Variants in SPSB4 observed in about 807,000 individuals in gnomAD.
The protein encoded by SPSB4 is SPRY domain-containing SOCS box protein 4.
SPSB4 carries 21 observed loss-of-function variants against 20.9 expected under a neutral mutation model. The observed-to-expected ratio is 1.01, with a 90% CI of 0.71 to 1.45. The LOEUF is 1.45. SPSB4 is among the 40% of genes most tolerant of loss of function. SPSB4 has a pLI of 0.00. For synonymous variants in SPSB4, 207 were observed against 183.8 expected (o/e 1.13, Z -1.02); for missense variants, 399 against 399.2 (o/e 1.00, Z 0.00).
chr3:141,110,390 G>A (rs1202670479), intron 2 of SPSB4, among the ~76,000 whole-genome samples: 1 of 152,204 alleles, frequency 6.6e-6, no homozygotes, highest in Non-Finnish European at 1.5e-5. Context: ...GAATGGGAGA[G>A]GGAATTAACA....
chr3:141,116,054 A>G (rs1363149362), intron 2 of SPSB4, among the ~76,000 whole-genome samples: 1 of 152,222 alleles, frequency 6.6e-6, no homozygotes, highest in African/African-American at 2.4e-5. Context: ...TGGGGTTTAT[A>G]CTATTTAGCA....
chr3:141,067,115 A>T (rs755399822), intron 2 of SPSB4, among the ~76,000 whole-genome samples: 8 of 152,358 alleles, frequency 5.3e-5, no homozygotes, highest in South Asian at 4.1e-4. Flanking sequence ...CTGGCACCCA[A>T]CAGGGGCTTT....
chr3:141,065,919 C>A, intron 1 of SPSB4, 33 bp from the exon 2 acceptor site: 1 of 526,124 alleles, frequency 1.9e-6, no homozygotes, highest in Non-Finnish European at 3.3e-6. Flanking sequence ...GCTGATGCTG[C>A]TGCTATAACC....
chr3:141,052,524 G>A (rs990269018), intron 1 of SPSB4, among the ~76,000 whole-genome samples: 3 of 152,156 alleles, frequency 2.0e-5, no homozygotes, highest in African/African-American at 4.8e-5. Flanking sequence ...CAGCAGTTCC[G>A]TCGTCCGTGT....
At chr3:141,116,534 C>T (rs1233581972) in intron 2 of SPSB4, among the ~76,000 whole-genome samples, 1 of 152,198 alleles carries the variant, frequency 6.6e-6, no homozygotes, top group Non-Finnish European at 1.5e-5. Flanking sequence ...GCAGAGAGTG[C>T]ATCCCAGACC....
intron 2 of SPSB4, among the ~76,000 whole-genome samples, chr3:141,113,198 C>T (rs964877556): frequency 5.3e-5 from 8 of 152,104 alleles, no homozygotes; most frequent in Admixed American, 3.3e-4. Context: ...GAATGTAAAA[C>T]GATGCAGCTG....
At chr3:141,134,697 A>G (rs1037891660) in intron 2 of SPSB4, among the ~76,000 whole-genome samples, 1 of 151,940 alleles carries the variant, frequency 6.6e-6, no homozygotes, top group African/African-American at 2.4e-5. Flanking sequence ...ATCTTTTTTG[A>G]TATGCTGCCG....
intron 2 of SPSB4, among the ~76,000 whole-genome samples, chr3:141,071,943 G>A (rs575648000): frequency 3.4e-4 from 52 of 152,330 alleles, no homozygotes; most frequent in African/African-American, 1.2e-3. Flanking sequence ...TTGCTCTCAC[G>A]ATGACTACAA....
intron 1 of SPSB4, among the ~76,000 whole-genome samples, chr3:141,054,525 A>AACAGTTGTG (rs1937600128): frequency 6.6e-6 from 1 of 152,210 alleles, no homozygotes; most frequent in Non-Finnish European, 1.5e-5. Flanking sequence ...CTATAGGAAA[A>AACAGTTGTG]ACAGTTGTGG....
chr3:141,060,654 A>G (rs151035234), intron 1 of SPSB4, among the ~76,000 whole-genome samples: 169 of 152,374 alleles, frequency 1.1e-3, no homozygotes, highest in African/African-American at 4.0e-3. Flanking sequence ...TAGAATTGCT[A>G]GGTCAAAGGG....
chr3:141,058,660 A>T (rs1187305843), intron 1 of SPSB4, among the ~76,000 whole-genome samples: 1 of 152,128 alleles, frequency 6.6e-6, no homozygotes, highest in Non-Finnish European at 1.5e-5. Context: ...GATGAGCCCG[A>T]CTTGGCCACT....
chr3:141,121,365 T>G (rs1938963935), intron 2 of SPSB4, among the ~76,000 whole-genome samples: 1 of 152,214 alleles, frequency 6.6e-6, no homozygotes, highest in South Asian at 2.1e-4. Context: ...CATTTCAACC[T>G]TGGTGAATCT....
At chr3:141,103,677 C>A (rs1366507705) in intron 2 of SPSB4, among the ~76,000 whole-genome samples, 1 of 152,142 alleles carries the variant, frequency 6.6e-6, no homozygotes, top group South Asian at 2.1e-4. Flanking sequence ...CCGCAACCCT[C>A]CAACAGCGAA....
At chr3:141,110,447 C>A (rs1938777461) in intron 2 of SPSB4, among the ~76,000 whole-genome samples, 1 of 152,224 alleles carries the variant, frequency 6.6e-6, no homozygotes, top group Non-Finnish European at 1.5e-5. Context: ...TGTACCATCT[C>A]ATTCAATCTT....
At chr3:141,124,439 A>C (rs1939018966) in intron 2 of SPSB4, among the ~76,000 whole-genome samples, 1 of 152,184 alleles carries the variant, frequency 6.6e-6, no homozygotes, top group Non-Finnish European at 1.5e-5. Context: ...AGGTTTAGTC[A>C]CCGTAATGAT....
intron 1 of SPSB4, among the ~76,000 whole-genome samples, chr3:141,052,982 T>A (rs908837519): frequency 6.6e-6 from 1 of 152,144 alleles, no homozygotes; most frequent in Admixed American, 6.5e-5. Flanking sequence ...GAGGGCACTT[T>A]TCTGTACCGC....
intron 2 of SPSB4, among the ~76,000 whole-genome samples, chr3:141,068,275 ATGT>A (rs1233881005): frequency 6.6e-6 from 1 of 152,156 alleles, no homozygotes; most frequent in East Asian, 1.9e-4. Flanking sequence ...GAATGGCAAA[ATGT>A]TGTTCCATTT....
rs894808626 is a variant in SPSB4 at position 141,092,744 on chromosome 3, C to T, written c.694+25946C>T. ...CTGGGCACTGTCCCAAGGCAGGGAA[C>T]GAGGAGGCAACATTCCCTGCACGGG... On this transcript the variant is annotated intron_variant, in intron 2 of 2. Transcript: ENST00000310546. Among the ~76,000 whole-genome samples, 9 of 152,334 alleles carry T rather than the reference C, an allele frequency of 5.9e-5. No individual in the cohort carries two copies. In the South Asian group the frequency reaches 8.3e-4, roughly 14 times the overall value.
intron 1 of SPSB4, among the ~76,000 whole-genome samples, chr3:141,063,573 A>G (rs1271423364): frequency 1.3e-5 from 2 of 152,226 alleles, no homozygotes; most frequent in Non-Finnish European, 2.9e-5. Context: ...AGACCATGCT[A>G]GGTGTCTCCC....
Sources: allele counts gnomAD v4.1 joint callset (sites outside exome capture counted in the v4.1 genomes callset), GRCh38; gene constraint gnomAD v4.1.1; transcripts MANE v1.5; gene names NCBI Gene and HGNC (gene_info 2026-07-23, HGNC 2026-07-21).